The following GIT2 variants were observed in gnomAD, a reference collection of about 807,000 sequenced individuals.
The protein encoded by GIT2 is ARF GTPase-activating protein GIT2.
In GIT2, 32 loss-of-function variants were observed where a neutral mutation model predicts 100.3. The ratio of observed to expected loss-of-function variants is 0.32; its 90% CI spans 0.24 to 0.43. GIT2 has a LOEUF of 0.43. GIT2 is among the 20% of genes least tolerant of loss of function. The pLI is 1.00. For missense variants in GIT2, 737 were observed against 975.1 expected (o/e 0.76, Z 3.25); for synonymous variants, 353 against 364.1 (o/e 0.97, Z 0.35).
chr12:109,933,225 G>C lies in GIT2; in HGVS notation c.2068-35C>G, dbSNP rs773805482. 1 of 1,204,280 alleles carries C rather than the reference G, an allele frequency of 8.3e-7. No homozygotes were observed. The allele number at this position is 1,204,280 out of a possible 1,614,324, so 74.6% of individuals were successfully genotyped here. A position where few individuals can be genotyped will look rare whatever the true frequency, so the allele number is the denominator to read the frequency against. On this transcript the variant is annotated intron_variant, in intron 19 of 19. Transcript: ENST00000355312. The surrounding 1 kb of genome is among the most constrained non-coding windows in gnomAD (Gnocchi z 4.5). ...AAAAGACAGCCGTTTACCCTGAACT[G>C]CAGGGCAGACATCCAAAAGCAGGGG... is the stretch of plus-strand genomic sequence containing the variant.
At chr12:109,963,180 A>C (rs780289041) in intron 9 of GIT2, among the ~76,000 whole-genome samples, 8 of 152,236 alleles carry the variant, frequency 5.3e-5, no homozygotes, top group Non-Finnish European at 1.5e-5. Context: ...AATGTACCAA[A>C]ATATTGAGCC....
intron 13 of GIT2, among the ~76,000 whole-genome samples, chr12:109,951,912 G>T (rs1877970978): frequency 6.6e-6 from 1 of 152,210 alleles, no homozygotes; most frequent in Non-Finnish European, 1.5e-5. Context: ...TGAGTCACAT[G>T]AATCTGGAGG....
At position 109,948,607 on chromosome 12, in the gene GIT2, G is replaced by A; in HGVS notation, c.1393-1103C>T. 1.4e-6 allele frequency: 2 copies of A among 1,409,200 alleles called. No homozygotes were observed. The highest frequency in any genetic ancestry group is 1.8e-6 in the Non-Finnish European group (2 of 1,089,670). The allele number at this position is 1,409,200 out of a possible 1,614,324, so 87.3% of individuals were successfully genotyped here. A position where few individuals can be genotyped will look rare whatever the true frequency, so the allele number is the denominator to read the frequency against. ...TCCATGGACATTCTATAAGCTGGGT[G>A]TGGTGTGAGTTCAGCTGTCTACTCT... On this transcript the variant is annotated intron_variant, in intron 14 of 19. Transcript: ENST00000355312. The surrounding 1 kb of genome is among the most constrained non-coding windows in gnomAD (Gnocchi z 4.3).
chr12:109,961,763 C>T, intron 9 of GIT2, 78 bp from the exon 10 acceptor site: 1 of 836,394 alleles, frequency 1.2e-6, no homozygotes, highest in East Asian at 2.4e-5. Context: ...GACTTAGTCA[C>T]CCTTTTATTG....
At position 109,932,014 on chromosome 12, in the gene GIT2, A is replaced by G. The variant is rs1871733114; in HGVS notation, c.*964T>C. On this transcript the variant is annotated 3_prime_UTR_variant, in exon 20 of 20. Coordinates refer to ENST00000355312, the MANE Select transcript of GIT2 (RefSeq NM_057169.5). ...AAATGTGAAGCAACTCATGTGAGAAAGCTGTAAGTGGTCAGAGAAGCAAGC... is the reference window on the plus strand; with the variant it reads ...AAATGTGAAGCAACTCATGTGAGAAGGCTGTAAGTGGTCAGAGAAGCAAGC... The G allele has an allele frequency of 6.6e-6, 1 of 152,262 alleles. No individual in the cohort carries two copies. Among genetic ancestry groups the G allele is most frequent in the Non-Finnish European group, 1.5e-5 (1 of 68,066 alleles). The allele number at this position is 152,262 out of a possible 1,614,324, so 9.4% of individuals were successfully genotyped here. A position where few individuals can be genotyped will look rare whatever the true frequency, so the allele number is the denominator to read the frequency against.
At chr12:109,950,915 C>T in intron 14 of GIT2, 1 of 452,170 alleles carries the variant, frequency 2.2e-6, no homozygotes, top group Admixed American at 3.5e-5. Flanking sequence ...CAGAATAGTC[C>T]AAGGGTTATT....
intron 15 of GIT2, among the ~76,000 whole-genome samples, chr12:109,945,878 T>C (rs1025874507): frequency 2.6e-5 from 4 of 152,188 alleles, no homozygotes; most frequent in African/African-American, 9.7e-5. Context: ...CTCACACCTG[T>C]AATCCTAGCA....
In GIT2 at chr12:109,938,555, C is replaced by T; in HGVS notation, c.1828G>A (p.Gly610Arg). ...GGCCACACCATACTTCTTTGCCGTCCCTTTCGGCTTGACCTGTGAACATTA... is the reference window on the plus strand; with the variant it reads ...GGCCACACCATACTTCTTTGCCGTCTCTTTCGGCTTGACCTGTGAACATTA... ...EPDGMGSSRK[G>R]RQRSMVWPGD... The change falls in exon 18 of 20, where the codon GGA becomes AGA. Residue 610 changes from glycine to arginine, a missense_variant. Gly to Arg is a moderately radical substitution (Grantham distance 125). Coordinates refer to ENST00000355312, the MANE Select transcript of GIT2 (RefSeq NM_057169.5). 1 of 1,597,298 alleles carries T rather than the reference C, an allele frequency of 6.3e-7. No homozygotes were observed. The highest frequency in any genetic ancestry group is 8.5e-7 in the Non-Finnish European group (1 of 1,172,788).
chr12:109,999,868 C>T, upstream of GIT2: 1 of 1,252,310 alleles, frequency 8.0e-7, no homozygotes, highest in Admixed American at 2.5e-5. The surrounding 1 kb of genome is among the most constrained non-coding windows in gnomAD (Gnocchi z 4.3). Flanking sequence ...CCATTTCCAG[C>T]CCTCTGTCCC....
chr12:109,949,983 G>C (rs1826675132), intron 14 of GIT2, among the ~76,000 whole-genome samples: 1 of 152,226 alleles, frequency 6.6e-6, no homozygotes, highest in Non-Finnish European at 1.5e-5. Context: ...GGCAGCCCTA[G>C]ACAGGGCTGG....
In GIT2 at chr12:109,996,335, C is replaced by T. The variant is rs1008266737; in HGVS notation, c.-111G>A. ...CCAGCTGCGGCGGCGCTGACGGCGG[C>T]GCCTCTCCCCTCAGCGCCTTGCAGC... On this transcript the variant is annotated 5_prime_UTR_variant, in exon 1 of 20. Transcript: ENST00000355312. 2 of 708,386 alleles carry T rather than the reference C, an allele frequency of 2.8e-6. No homozygotes were observed. Among genetic ancestry groups the T allele is most frequent in the Non-Finnish European group, 2.3e-6 (1 of 439,324 alleles). The allele number at this position is 708,386 out of a possible 1,614,324, so 43.9% of individuals were successfully genotyped here. A position where few individuals can be genotyped will look rare whatever the true frequency, so the allele number is the denominator to read the frequency against.
chr12:109,938,114 C>T (rs1873556109), intron 18 of GIT2, among the ~76,000 whole-genome samples: 1 of 152,148 alleles, frequency 6.6e-6, no homozygotes, highest in Non-Finnish European at 1.5e-5. Context: ...AGCATTGTCA[C>T]CACCCTAACT....
At chr12:109,976,597 T>TC (rs984182884) in intron 7 of GIT2, among the ~76,000 whole-genome samples, 18 of 149,262 alleles carry the variant, frequency 1.2e-4, no homozygotes, top group African/African-American at 3.7e-4. Context: ...TCTTTTCTTT[T>TC]TTTTTTTTTT....
At chr12:109,961,982 G>A (rs938519249) in intron 9 of GIT2, among the ~76,000 whole-genome samples, 1 of 152,140 alleles carries the variant, frequency 6.6e-6, no homozygotes, top group Admixed American at 6.5e-5. Flanking sequence ...TACTCTTCTT[G>A]TGATATCATC....
intron 7 of GIT2, among the ~76,000 whole-genome samples, chr12:109,978,569 G>C (rs1387032569): frequency 6.6e-6 from 1 of 152,118 alleles, no homozygotes; most frequent in East Asian, 1.9e-4. Context: ...GCTTAAACCA[G>C]ATAATTTCTA....
At chr12:109,970,000 C>A (rs998569994) in intron 7 of GIT2, among the ~76,000 whole-genome samples, 4 of 152,176 alleles carry the variant, frequency 2.6e-5, no homozygotes, top group Non-Finnish European at 5.9e-5. Flanking sequence ...AGGTGATCCA[C>A]CCGCCTTGAC....
At chr12:109,961,491 G>T in intron 10 of GIT2, 116 bp from the exon 11 acceptor site, 1 of 934,046 alleles carries the variant, frequency 1.1e-6, no homozygotes, top group Non-Finnish European at 1.8e-6. Flanking sequence ...CACACGCAAA[G>T]GCAAACGTCG....
chr12:109,933,156 C>A lies in GIT2; in HGVS notation c.2102G>T (p.Arg701Leu), dbSNP rs753666949. Residue 701 changes from arginine to leucine, a missense_variant, in exon 20 of 20, where the codon CGT becomes CTT. Transcript: ENST00000355312. The surrounding 1 kb of genome is among the most constrained non-coding windows in gnomAD (Gnocchi z 4.5). The part of the protein sequence containing the change: ...PKSDMVRTSL[R>L]LLTSSAYRLQ... Reference sequence around the variant, plus strand: ...TCGGTAGGCACTGGACGTCAGTAAACGAAGGGAAGTCCTCACCATATCAGA... The same window carrying A: ...TCGGTAGGCACTGGACGTCAGTAAAAGAAGGGAAGTCCTCACCATATCAGA... 1.9e-6 allele frequency: 3 copies of A among 1,581,122 alleles called. No individual in the cohort carries two copies. The highest frequency in any genetic ancestry group is 2.6e-6 in the Non-Finnish European group (3 of 1,162,280).
chr12:109,972,515 C>A (rs1318976943), intron 7 of GIT2, among the ~76,000 whole-genome samples: 1 of 151,572 alleles, frequency 6.6e-6, no homozygotes, highest in Admixed American at 6.6e-5. Context: ...GTCGCCCAGG[C>A]AGGTGAGCAA....
Sources: allele counts gnomAD v4.1 joint callset (sites outside exome capture counted in the v4.1 genomes callset), GRCh38; gene constraint gnomAD v4.1.1; non-coding constraint Gnocchi (gnomAD v3.1); transcripts MANE v1.5; gene names NCBI Gene and HGNC (gene_info 2026-07-23, HGNC 2026-07-21).